Variants in TTLL1 observed in about 807,000 individuals in gnomAD.
TTLL1 encodes the protein TTL family tubulin polyglutamylase complex subunit L1.
Under a neutral mutation model 47.8 loss-of-function variants are expected in TTLL1, and 33 were observed. The observed-to-expected ratio is 0.69, with a 90% CI of 0.52 to 0.92. The LOEUF (loss-of-function observed/expected upper bound fraction) is 0.92. TTLL1 is among the 40% of genes least tolerant of loss of function. The pLI is 0.00. For synonymous variants in TTLL1, 225 were observed against 214.1 expected (o/e 1.05, Z -0.45); for missense variants, 488 against 547.5 (o/e 0.89, Z 1.08).
chr22:43,068,719 G>C (rs536944359), intron 4 of TTLL1, 129 bp from the exon 5 acceptor site: 1 of 740,152 alleles, frequency 1.4e-6, no homozygotes, highest in African/African-American at 1.8e-5. Flanking sequence ...GCAGCTAACA[G>C]AACAAGGGCC....
intron 1 of TTLL1, among the ~76,000 whole-genome samples, chr22:43,083,904 A>G (rs747570286): frequency 2.0e-5 from 3 of 152,186 alleles, no homozygotes; most frequent in Non-Finnish European, 4.4e-5. Flanking sequence ...TGTGTCAGCT[A>G]CAAGTGTCTT....
intron 7 of TTLL1, among the ~76,000 whole-genome samples, chr22:43,063,146 G>A (rs1927493733): frequency 6.6e-6 from 1 of 152,148 alleles, no homozygotes; most frequent in African/African-American, 2.4e-5. Context: ...GTCACCTCAT[G>A]ACATCCTCCC....
At chr22:43,055,897 C>CT (rs1456364183) in intron 8 of TTLL1, among the ~76,000 whole-genome samples, 1 of 151,354 alleles carries the variant, frequency 6.6e-6, no homozygotes, top group Non-Finnish European at 1.5e-5. Context: ...GAGAATGTTT[C>CT]TTTTTTTGTC....
chr22:43,059,250 T>C, intron 8 of TTLL1, 134 bp downstream of exon 8: 2 of 1,317,652 alleles, frequency 1.5e-6, no homozygotes, highest in Non-Finnish European at 2.0e-6. Flanking sequence ...CGCCTCGGCC[T>C]CCCAGCTTGC....
At chr22:43,055,657 A>G (rs1038124621) in intron 8 of TTLL1, among the ~76,000 whole-genome samples, 2 of 150,158 alleles carry the variant, frequency 1.3e-5, no homozygotes, top group African/African-American at 4.9e-5. Flanking sequence ...TTTTTTTTGT[A>G]GAGACAGCAT....
chr22:43,070,053 G>A (rs1431128537), intron 3 of TTLL1: 2 of 1,175,334 alleles, frequency 1.7e-6, no homozygotes, highest in Non-Finnish European at 2.4e-6. Flanking sequence ...TGAGGGCCAG[G>A]AGCTGTGCTG....
chr22:43,079,281 G>A (rs573303140), intron 2 of TTLL1, among the ~76,000 whole-genome samples: 2 of 138,232 alleles, frequency 1.4e-5, no homozygotes, highest in South Asian at 2.3e-4. Context: ...CCCAGAGCGT[G>A]AGCCCATCCC....
intron 9 of TTLL1, among the ~76,000 whole-genome samples, chr22:43,047,747 G>A (rs1926256792): frequency 1.3e-5 from 2 of 152,102 alleles, no homozygotes; most frequent in African/African-American, 4.8e-5. Flanking sequence ...GGGGTTACAG[G>A]CGTGAGCCAC....
chr22:43,052,700 C>T (rs900541737), intron 8 of TTLL1, among the ~76,000 whole-genome samples: 9 of 151,904 alleles, frequency 5.9e-5, no homozygotes, highest in African/African-American at 1.5e-4. Context: ...GAGCCATGAT[C>T]GTGCCACTGC....
chr22:43,065,463 T>C (rs1228600939), intron 5 of TTLL1, among the ~76,000 whole-genome samples: 1 of 152,096 alleles, frequency 6.6e-6, no homozygotes, highest in Non-Finnish European at 1.5e-5. Flanking sequence ...CTAATTTTTG[T>C]ATTTTTAGTA....
At chr22:43,070,398 C>T (rs1240174775) in intron 3 of TTLL1, among the ~76,000 whole-genome samples, 8 of 152,136 alleles carry the variant, frequency 5.3e-5, no homozygotes, top group Non-Finnish European at 8.8e-5. Flanking sequence ...CCCCGCCACA[C>T]GCCTGTCCTC....
At chr22:43,042,240 G>A (rs1001750353) in intron 10 of TTLL1, among the ~76,000 whole-genome samples, 1 of 152,160 alleles carries the variant, frequency 6.6e-6, no homozygotes, top group Non-Finnish European at 1.5e-5. Context: ...TATGGTGACC[G>A]GTTTCACGGA....
chr22:43,060,806 T>C (rs1927342519), intron 7 of TTLL1, among the ~76,000 whole-genome samples: 2 of 152,198 alleles, frequency 1.3e-5, no homozygotes, highest in Admixed American at 1.3e-4. Flanking sequence ...ATTTTCTAAG[T>C]ATAAAGTGAG....
rs1344301686 is a variant in TTLL1 at position 43,056,721 on chromosome 22, G to A, written c.891+2663C>T. 3.3e-5 allele frequency among the ~76,000 whole-genome samples: 5 copies of A among 151,874 alleles called. No homozygotes were observed. The South Asian group carries it at 8.3e-4, about 25-fold the overall frequency. On this transcript the variant is annotated intron_variant, in intron 8 of 10. Transcript: ENST00000266254. ...AATCTCTTGAACCCGGGAGGTGGAG[G>A]TTGCTAGGAGCCAAGATCGCGCCAC...
chr22:43,077,748 C>G (rs1435512828), intron 2 of TTLL1, among the ~76,000 whole-genome samples: 1 of 152,180 alleles, frequency 6.6e-6, no homozygotes, highest in Non-Finnish European at 1.5e-5. Flanking sequence ...CAGGAGGCTG[C>G]CTCCCCACCC....
intron 5 of TTLL1, among the ~76,000 whole-genome samples, 198 bp downstream of exon 5, chr22:43,068,212 G>C (rs1037039264): frequency 5.9e-5 from 9 of 151,838 alleles, no homozygotes; most frequent in Admixed American, 5.3e-4. Context: ...AACTACTCGG[G>C]AGGCTGAAGC....
chr22:43,039,533 A>G lies in TTLL1; in HGVS notation c.*243T>C. 1 of 279,742 alleles carries G rather than the reference A, an allele frequency of 3.6e-6. No homozygotes were observed. Among genetic ancestry groups the G allele is most frequent in the Non-Finnish European group, 6.3e-6 (1 of 158,450 alleles). The allele number at this position is 279,742 out of a possible 1,614,324, so 17.3% of individuals were successfully genotyped here. ...GCTGTTACTTTCTGTCAAAAAAGTG[A>G]GTTTTTAATATGAAAATTCTGCTTA... is the stretch of plus-strand genomic sequence containing the variant. On this transcript the variant is annotated 3_prime_UTR_variant, in exon 11 of 11. Transcript: ENST00000266254.
chr22:43,051,803 C>T lies in TTLL1; in HGVS notation c.976G>A (p.Glu326Lys). 2 of 1,613,990 alleles carry T rather than the reference C, an allele frequency of 1.2e-6. No individual in the cohort carries two copies. The highest frequency in any genetic ancestry group is 8.5e-7 in the Non-Finnish European group (1 of 1,179,972). The change falls in exon 9 of 11, where the codon GAG becomes AAG. Residue 326 changes from glutamate to lysine, a missense_variant and splice_region_variant. Transcript: ENST00000266254. ...IDDKLKPWLI[E>K]VNASPSLTSS... ...GGTGCAGGTGCTCCCGCAGTTACCTCGATCAGCCAGGGCTTCAGCTTGTCG... is the reference window on the plus strand; with the variant it reads ...GGTGCAGGTGCTCCCGCAGTTACCTTGATCAGCCAGGGCTTCAGCTTGTCG...
chr22:43,070,356 T>C, intron 3 of TTLL1: 1 of 486,262 alleles, frequency 2.1e-6, no homozygotes, highest in Non-Finnish European at 3.8e-6. Flanking sequence ...GAGAAATAGA[T>C]TCCTTCTGAG....
Sources: allele counts gnomAD v4.1 joint callset (sites outside exome capture counted in the v4.1 genomes callset), GRCh38; gene constraint gnomAD v4.1.1; transcripts MANE v1.5; gene names NCBI Gene and HGNC (gene_info 2026-07-23, HGNC 2026-07-21).